TBCK: variants seen among roughly 807,000 people sequenced by gnomAD.
The protein encoded by TBCK is TBC1 domain containing kinase, also known as TBC domain-containing protein kinase-like protein.
In TBCK, 99 loss-of-function variants were observed where a neutral mutation model predicts 113.4. The ratio of observed to expected loss-of-function variants is 0.87; its 90% CI spans 0.74 to 1.03. TBCK has a LOEUF of 1.03. Among genes scored for constraint, TBCK ranks in the 50% least tolerant of loss-of-function variants. TBCK has a pLI of 0.00. For missense variants in TBCK, 1,045 were observed against 1,061.3 expected (o/e 0.98, Z 0.21); for synonymous variants, 369 against 370.8 (o/e 1.00, Z 0.05).
At chr4:106,259,511 T>TA (rs1442531020) in intron 5 of TBCK, among the ~76,000 whole-genome samples, 1 of 151,840 alleles carries the variant, frequency 6.6e-6, no homozygotes, top group African/African-American at 2.4e-5. Context: ...TGAGGTCATG[T>TA]AAAAAAACAA....
At chr4:106,137,472 C>T (rs1746692103) in intron 23 of TBCK, among the ~76,000 whole-genome samples, 1 of 140,136 alleles carries the variant, frequency 7.1e-6, no homozygotes, top group Non-Finnish European at 1.6e-5. Context: ...CAGACTATCA[C>T]TCTCAAAGGA....
chr4:106,076,645 C>T (rs1045488275), intron 25 of TBCK, among the ~76,000 whole-genome samples: 3 of 152,148 alleles, frequency 2.0e-5, no homozygotes, highest in African/African-American at 7.2e-5. Flanking sequence ...ACAAAGGGAA[C>T]TCTGTCAGGC....
At chr4:106,100,554 A>C (rs1339456990) in intron 24 of TBCK, among the ~76,000 whole-genome samples, 1 of 151,836 alleles carries the variant, frequency 6.6e-6, no homozygotes, top group Non-Finnish European at 1.5e-5. Context: ...ACTCTTTATG[A>C]CAGGATATGA....
At chr4:106,247,370 TAA>T in intron 9 of TBCK, 83 bp from the exon 10 acceptor site, 3 of 1,297,470 alleles carry the variant, frequency 2.3e-6, no homozygotes, top group Non-Finnish European at 3.3e-6. Context: ...AGAGAATGGA[TAA>T]AAGTCTTAAA....
chr4:106,278,597 T>C (rs1388297005), intron 3 of TBCK, among the ~76,000 whole-genome samples: 3 of 123,904 alleles, frequency 2.4e-5, no homozygotes, highest in Non-Finnish European at 5.2e-5. Context: ...GTTCATGAAA[T>C]GGCAAATACA....
rs907727379 is a variant in TBCK, at chr4:106,214,330, C to T, written c.1775-1495G>A. On this transcript the variant is annotated intron_variant, in intron 19 of 25. Transcript: ENST00000394708. ...GAGCGCCTCTCCTCCTCCAAAGGAA[C>T]GCGGCTCCTCACCAGCAACGGAACA... Among the ~76,000 whole-genome samples, 9 of 152,300 alleles carry T rather than the reference C, an allele frequency of 5.9e-5. No homozygotes were observed. In the East Asian group the frequency reaches 1.3e-3, roughly 23 times the overall value.
intron 25 of TBCK, among the ~76,000 whole-genome samples, chr4:106,075,878 C>T: frequency 6.6e-6 from 1 of 152,184 alleles, no homozygotes; most frequent in South Asian, 2.1e-4. Context: ...GTCTTGCTTT[C>T]ACACACTGGG....
chr4:106,064,340 C>G (rs954575432), intron 25 of TBCK, among the ~76,000 whole-genome samples: 1 of 151,870 alleles, frequency 6.6e-6, no homozygotes, highest in Non-Finnish European at 1.5e-5. Context: ...CATAAACTGT[C>G]TCTTGTCTAG....
intron 3 of TBCK, among the ~76,000 whole-genome samples, chr4:106,285,329 G>A (rs889852897): frequency 2.0e-5 from 3 of 151,980 alleles, no homozygotes; most frequent in Admixed American, 1.3e-4. Context: ...TTTTACGGCC[G>A]TTAATACTAA....
At chr4:106,183,442 A>G (rs1752636160) in intron 22 of TBCK, among the ~76,000 whole-genome samples, 1 of 152,010 alleles carries the variant, frequency 6.6e-6, no homozygotes, top group South Asian at 2.1e-4. Flanking sequence ...CCTATTTACA[A>G]TAAGACAGCC....
upstream of TBCK, chr4:106,316,353 G>C (rs537275687): frequency 1.7e-6 from 1 of 596,520 alleles, no homozygotes; most frequent in Non-Finnish European, 3.0e-6. Context: ...AGGTGCGGGG[G>C]GACGGGGGGG....
At chr4:106,268,374 T>A (rs1468287357) in intron 3 of TBCK, among the ~76,000 whole-genome samples, 2 of 152,056 alleles carry the variant, frequency 1.3e-5, no homozygotes, top group Non-Finnish European at 2.9e-5. Flanking sequence ...ACTAGCTTAT[T>A]CAACTATGAC....
At chr4:106,189,210 C>T (rs1165899632) in intron 22 of TBCK, among the ~76,000 whole-genome samples, 2 of 151,898 alleles carry the variant, frequency 1.3e-5, no homozygotes. Flanking sequence ...AGGACCACTG[C>T]TAAAACCTCC....
At chr4:106,294,513 G>A (rs942773213) in intron 3 of TBCK, among the ~76,000 whole-genome samples, 4 of 149,346 alleles carry the variant, frequency 2.7e-5, no homozygotes, top group African/African-American at 9.9e-5. Flanking sequence ...ATGGAGTCTC[G>A]CTCTGTCACC....
intron 23 of TBCK, among the ~76,000 whole-genome samples, chr4:106,127,145 T>C (rs570473376): frequency 1.3e-5 from 2 of 148,744 alleles, no homozygotes; most frequent in African/African-American, 5.0e-5. Context: ...GAGGCGGATA[T>C]TGCAGTGAGC....
intron 22 of TBCK, among the ~76,000 whole-genome samples, chr4:106,188,606 A>G (rs1025355515): frequency 3.9e-5 from 6 of 152,200 alleles, no homozygotes; most frequent in African/African-American, 1.4e-4. Context: ...GCTCTGCTAT[A>G]GAGAAAGGCC....
chr4:106,148,440 G>T (rs976213317), intron 23 of TBCK, among the ~76,000 whole-genome samples: 2 of 152,098 alleles, frequency 1.3e-5, no homozygotes, highest in African/African-American at 4.8e-5. Flanking sequence ...ACCAGCTGAC[G>T]CTTAGGGAAA....
At chr4:106,088,221 T>A (rs1739741173) in intron 25 of TBCK, among the ~76,000 whole-genome samples, 1 of 151,976 alleles carries the variant, frequency 6.6e-6, no homozygotes, top group Admixed American at 6.6e-5. Context: ...AGGTCTAACA[T>A]CCAGAATTTA....
chr4:106,220,755 A>G (rs1757587467), intron 19 of TBCK, among the ~76,000 whole-genome samples: 3 of 152,196 alleles, frequency 2.0e-5, no homozygotes, highest in Admixed American at 2.0e-4. Flanking sequence ...CAAGAGTTAT[A>G]GATCAAAGTG....
Sources: allele counts gnomAD v4.1 joint callset (sites outside exome capture counted in the v4.1 genomes callset), GRCh38; gene constraint gnomAD v4.1.1; transcripts MANE v1.5; gene names NCBI Gene and HGNC (gene_info 2026-07-23, HGNC 2026-07-21).